FLT1: variants seen among roughly 807,000 people sequenced by gnomAD.
FLT1 encodes the protein fms related receptor tyrosine kinase 1, also known as vascular endothelial growth factor receptor 1.
A neutral mutation model predicts 156.3 loss-of-function variants in FLT1; 49 were observed. The observed-to-expected ratio is 0.31, with a 90% confidence interval of 0.25 to 0.40. FLT1 has a LOEUF of 0.40. Ranked by LOEUF, FLT1 falls within the 10% of genes least tolerant of loss-of-function variation. The pLI is 1.00. For missense variants in FLT1, 1,322 were observed against 1,637.2 expected, an observed-to-expected ratio of 0.81 and a Z score of 3.32; for synonymous variants, 594 against 583.8, an observed-to-expected ratio of 1.02 and a Z score of -0.25.
intron 3 of FLT1, among the ~76,000 whole-genome samples, chr13:28,444,252 G>A (rs1322632344): frequency 6.6e-6 from 1 of 152,130 alleles, no homozygotes; most frequent in African/African-American, 2.4e-5. Context: ...GACCAGCCTG[G>A]TCAACATGGC....
intron 3 of FLT1, among the ~76,000 whole-genome samples, chr13:28,457,107 T>C (rs746389257): frequency 2.6e-5 from 4 of 151,968 alleles, no homozygotes; most frequent in East Asian, 1.9e-4. Flanking sequence ...AAGGGGTATA[T>C]AGGAAATCTC....
intron 15 of FLT1, among the ~76,000 whole-genome samples, chr13:28,351,967 T>A (rs979809004): frequency 6.6e-6 from 1 of 152,230 alleles, no homozygotes; most frequent in African/African-American, 2.4e-5. Flanking sequence ...CTACAAAGAT[T>A]GGTATACCAT....
At chr13:28,431,018 G>T in intron 7 of FLT1, 118 bp downstream of exon 7, 1 of 901,190 alleles carries the variant, frequency 1.1e-6, no homozygotes, top group African/African-American at 1.6e-5. Context: ...TGGCCAAGCT[G>T]TATTCATTCA....
At chr13:28,374,911 A>G (rs1873778855) in intron 14 of FLT1, among the ~76,000 whole-genome samples, 2 of 152,004 alleles carry the variant, frequency 1.3e-5, no homozygotes, top group African/African-American at 4.8e-5. Context: ...TACCACCACC[A>G]CTAAACTTAA....
In FLT1 at chr13:28,303,046, G is replaced by T; in HGVS notation, c.*121C>A. 1 of 824,364 alleles carries T rather than the reference G, an allele frequency of 1.2e-6. No homozygotes were observed. The highest frequency in any genetic ancestry group is 1.9e-6 in the Non-Finnish European group (1 of 531,880). The allele number at this position is 824,364 out of a possible 1,614,324, so 51.1% of individuals were successfully genotyped here. A position where few individuals can be genotyped will look rare whatever the true frequency, so the allele number is the denominator to read the frequency against. ...AGCACTATTAAAAAAATCACAAAAA[G>T]CAGCTGGCTCCCATGGAAAGATAAA... On this transcript the variant is annotated 3_prime_UTR_variant, in exon 30 of 30. Transcript: ENST00000282397.
chr13:28,309,242 G>A (rs1002845694), intron 27 of FLT1, among the ~76,000 whole-genome samples: 20 of 152,206 alleles, frequency 1.3e-4, no homozygotes, highest in African/African-American at 4.6e-4. Flanking sequence ...GTGCCCAATG[G>A]CACAGGAGAG....
Position 28,322,980 on chromosome 13 carries a change from G to C in FLT1, c.2797-34C>G, listed in dbSNP as rs1341090354. ...AGACCGAAAAGGACCCAGGTGAAAA[G>C]GAGCTCCAGCACAGCAGTGGGAAAC... On this transcript the variant is annotated intron_variant, in intron 20 of 29. Transcript: ENST00000282397. The surrounding 1 kb of genome is among the most constrained non-coding windows in gnomAD (Gnocchi z 4.3). The C allele has an allele frequency of 6.2e-7, 1 of 1,613,384 alleles. No individual in the cohort carries two copies. The highest frequency in any genetic ancestry group is 1.1e-5 in the South Asian group (1 of 91,074).
At chr13:28,427,056 C>G (rs1877384484) in intron 10 of FLT1, 103 bp downstream of exon 10, 8 of 1,089,628 alleles carry the variant, frequency 7.3e-6, no homozygotes, top group Non-Finnish European at 1.1e-5. Context: ...CTCAAATATA[C>G]AGTACATCCC....
At chr13:28,417,695 T>A (rs1036910740) in intron 10 of FLT1, among the ~76,000 whole-genome samples, 3 of 143,550 alleles carry the variant, frequency 2.1e-5, no homozygotes, top group African/African-American at 7.7e-5. Context: ...GAGATGGGGG[T>A]CCTGCTATGT....
At chr13:28,409,538 T>C (rs886841698) in intron 10 of FLT1, among the ~76,000 whole-genome samples, 1 of 152,092 alleles carries the variant, frequency 6.6e-6, no homozygotes, top group Non-Finnish European at 1.5e-5. Flanking sequence ...TTTAACCATG[T>C]TGCCCAGGCT....
Position 28,375,883 on chromosome 13 carries a change from A to G in FLT1, c.2116+9002T>C, listed in dbSNP as rs760473607. Among the ~76,000 whole-genome samples, 36 of 152,364 alleles carry G rather than the reference A, an allele frequency of 2.4e-4. No individual in the cohort carries two copies. In the Middle Eastern group the frequency reaches 0.014, roughly 58 times the overall value. ...TTCATTCATTGTGTACCGTAAGGAT[A>G]GATTTCATGAGAAGGAAAAGGCAAC... On this transcript the variant is annotated intron_variant, in intron 14 of 29. Transcript: ENST00000282397.
Position 28,389,794 on chromosome 13 carries a change from A to C in FLT1, c.1969+2T>G. On this transcript the variant is annotated splice_donor_variant, in intron 13 of 29. Transcript: ENST00000282397. LOFTEE classifies it high-confidence loss of function. ...AAACAGCCTTTTTGTTGCAGTGCTC[A>C]CCTCTGATTGTAATTTCTTTCTTCT... 6.2e-7 allele frequency: 1 copy of C among 1,614,138 alleles called. No individual in the cohort carries two copies.
At chr13:28,357,868 C>CTTTTTTTTTTTTTTTTTTTTTTTCT (rs57304530) in intron 14 of FLT1, among the ~76,000 whole-genome samples, 183 bp from the exon 15 acceptor site, 1 of 104,732 alleles carries the variant, frequency 9.5e-6, no homozygotes, top group Non-Finnish European at 1.9e-5. Context: ...CTTTTCTTTC[C>CTTTTTTTTTTTTTTTTTTTTTTTCT]TTTTTTTTTT....
rs751180218 is a variant in FLT1, at chr13:28,339,186, G to A, written c.2470C>T (p.Arg824Trp). Residue 824 changes from arginine to tryptophan, a missense_variant, in exon 17 of 30, where the codon CGG (arginine) becomes TGG (tryptophan). Arg to Trp is a moderately radical substitution (Grantham distance 101, BLOSUM62 -3). Around this residue, in one of 3 missense-constraint regions of FLT1, gnomAD observed 991 missense variants for 1,254.8 expected, o/e 0.79. Coordinates refer to ENST00000282397, the MANE Select transcript of FLT1 (RefSeq NM_002019.4). ...PYDASKWEFA[R>W]ERLKLGKSLG... ...ATCTTACCCAGTTTAAGTCTCTCCC[G>A]GGCAAACTCCCACTTGCTGGCATCA... The A allele has an allele frequency of 2.7e-5, 44 of 1,613,814 alleles. No homozygotes were observed. Among genetic ancestry groups the A allele is most frequent in the South Asian group, 3.3e-5 (3 of 91,068 alleles).
chr13:28,477,090 G>C (rs1291412890), intron 1 of FLT1, among the ~76,000 whole-genome samples: 2 of 152,122 alleles, frequency 1.3e-5, no homozygotes, highest in Admixed American at 6.5e-5. Flanking sequence ...TGTTTACCAG[G>C]AAAAAATGCT....
At chr13:28,368,099 A>G (rs1198994510) in intron 14 of FLT1, 1 of 731,294 alleles carries the variant, frequency 1.4e-6, no homozygotes, top group Non-Finnish European at 1.7e-6. Context: ...CAATTAATGC[A>G]TGTATGTTAA....
chr13:28,345,493 C>T lies in FLT1; in HGVS notation c.2307G>A (p.Ala769=), dbSNP rs142392658. Residue 769 remains alanine, a synonymous_variant, in exon 16 of 30, where the codon GCG becomes GCA. Coordinates refer to ENST00000282397, the MANE Select transcript of FLT1 (RefSeq NM_002019.4). The part of the protein sequence containing the change: ...LITLTCTCVA[A]TLFWLLLTLF... ...GGGTTAATAGGAGCCAGAAGAGAGT[C>T]GCAGCCACACAGGTGCATGTTAGAG... 142 of 1,613,312 alleles carry T rather than the reference C, an allele frequency of 8.8e-5. No individual in the cohort carries two copies. The highest frequency in any genetic ancestry group is 1.1e-4 in the Non-Finnish European group (125 of 1,179,548).
chr13:28,362,728 T>A (rs1873156038), intron 14 of FLT1, among the ~76,000 whole-genome samples: 1 of 152,148 alleles, frequency 6.6e-6, no homozygotes, highest in African/African-American at 2.4e-5. Flanking sequence ...AGGACTTGGA[T>A]TTCACTCAAG....
chr13:28,415,086 CAGT>C (rs1180036239), intron 10 of FLT1, among the ~76,000 whole-genome samples: 1 of 152,198 alleles, frequency 6.6e-6, no homozygotes. Context: ...ACATGCAAAG[CAGT>C]GTCATCCAGT....
Sources: gnomAD v4.1 joint callset for allele counts (sites outside exome capture counted in the v4.1 genomes callset) on GRCh38, gnomAD v4.1.1 for gene constraint, gnomAD v4.1.1 regional missense constraint, Gnocchi (gnomAD v3.1) non-coding constraint, MANE v1.5 for transcripts, NCBI Gene and HGNC (gene_info 2026-07-23, HGNC 2026-07-21) for gene names.